LAMA3: variants seen among roughly 807,000 people sequenced by gnomAD.
LAMA3 encodes laminin subunit alpha 3.
A neutral mutation model predicts 402.0 loss-of-function variants in LAMA3; 281 were observed. That is an observed-to-expected ratio of 0.70 (90% confidence interval 0.63 to 0.77). LAMA3 has a LOEUF of 0.77. Among genes scored for constraint, LAMA3 ranks in the 30% least tolerant of loss-of-function variants. LAMA3 has a pLI of 0.00. For synonymous variants in LAMA3, 1,431 were observed against 1,558.4 expected (o/e 0.92, Z 1.93); for missense variants, 3,840 against 4,215.5 (o/e 0.91, Z 2.47).
intron 52 of LAMA3, among the ~76,000 whole-genome samples, chr18:23,906,778 C>T (rs114113504): frequency 3.0e-3 from 456 of 152,318 alleles, no homozygotes; most frequent in African/African-American, 0.01. Flanking sequence ...CTATTTCTCT[C>T]TACAAAATTT....
At chr18:23,714,186 C>T (rs1026139887) in intron 2 of LAMA3, 114 bp downstream of exon 2, 2 of 1,073,262 alleles carry the variant, frequency 1.9e-6, no homozygotes, top group South Asian at 1.5e-5. Context: ...TTAATCCCCT[C>T]ATCATTGTTA....
In LAMA3 at chr18:23,915,246, G is replaced by GA. The variant is rs1367607555; in HGVS notation, c.7645-43_7645-42insA. 1.4e-5 allele frequency: 23 copies of GA among 1,603,466 alleles called. No individual in the cohort carries two copies. In the African/African-American group the frequency reaches 2.9e-4, roughly 21 times the overall value. Reference sequence around the variant, plus strand: ...ATTAATTGATACTATTTTGATTATTGTCCTTTGTTCAATTGGTGGAAGATG... The same window carrying GA: ...ATTAATTGATACTATTTTGATTATTGATCCTTTGTTCAATTGGTGGAAGATG... On this transcript the variant is annotated intron_variant, in intron 58 of 74. Transcript: ENST00000313654.
rs2081834729 is a variant in LAMA3 at position 23,921,468 on chromosome 18, G to C, written c.8060G>C (p.Gly2687Ala). The part of the protein sequence containing the change: ...GRDHSIQIKI[G>A]KLQKRMWINV... ...TTATTTCAGATTCAGATCAAAATTG[G>C]AAAACTCCAAAAGCGTATGTGGATA... The change falls in exon 62 of 75, where the codon GGA (glycine) becomes GCA (alanine). Residue 2687 changes from glycine to alanine, a missense_variant. Gly to Ala is a moderately conservative substitution (Grantham distance 60). Coordinates refer to ENST00000313654, the MANE Select transcript of LAMA3 (RefSeq NM_198129.4). 1.2e-6 allele frequency: 2 copies of C among 1,612,338 alleles called. No homozygotes were observed. Among genetic ancestry groups the C allele is most frequent in the East Asian group, 4.5e-5 (2 of 44,840 alleles).
intron 37 of LAMA3, among the ~76,000 whole-genome samples, chr18:23,870,587 A>T (rs139527671): frequency 1.2e-4 from 19 of 152,372 alleles, no homozygotes; most frequent in East Asian, 9.6e-4. Flanking sequence ...CCAAATGTCC[A>T]TCAACAGATG....
chr18:23,727,726 T>C (rs572626034), intron 2 of LAMA3, among the ~76,000 whole-genome samples: 1 of 151,974 alleles, frequency 6.6e-6, no homozygotes, highest in African/African-American at 2.4e-5. Context: ...TTGTAACTTT[T>C]CTTTTCTTTC....
intron 12 of LAMA3, among the ~76,000 whole-genome samples, chr18:23,798,505 G>A (rs542319105): frequency 6.6e-6 from 1 of 152,286 alleles, no homozygotes; most frequent in East Asian, 1.9e-4. Flanking sequence ...GACGAGGAAT[G>A]GTGCCAGGGA....
At chr18:23,691,660 C>G (rs1273054500) in intron 1 of LAMA3, among the ~76,000 whole-genome samples, 1 of 152,240 alleles carries the variant, frequency 6.6e-6, no homozygotes, top group East Asian at 1.9e-4. Flanking sequence ...CAACCTCCAC[C>G]TCCCAGGCCC....
At chr18:23,868,381 T>A (rs1276885459) in intron 37 of LAMA3, among the ~76,000 whole-genome samples, 1 of 152,180 alleles carries the variant, frequency 6.6e-6, no homozygotes, top group African/African-American at 2.4e-5. Context: ...CTCTCCCATT[T>A]CACAATTAAT....
In LAMA3 at chr18:23,892,109, A is replaced by G. The variant is rs145597794; in HGVS notation, c.5410+1992A>G. Among the ~76,000 whole-genome samples the G allele has an allele frequency of 4.9e-4, 75 of 152,326 alleles. No individual in the cohort carries two copies. The East Asian group carries it at 0.012, about 24-fold the overall frequency. ...GAAGCAAGAGGAAGCTCTATTTTAA[A>G]TGATTCTAAGGAAGAAGTGTCTAAT... On this transcript the variant is annotated intron_variant, in intron 42 of 74. Transcript: ENST00000313654.
At chr18:23,886,602 A>G (rs935958837) in intron 41 of LAMA3, among the ~76,000 whole-genome samples, 3 of 152,116 alleles carry the variant, frequency 2.0e-5, no homozygotes, top group Non-Finnish European at 4.4e-5. Context: ...TGATCGCACT[A>G]CTGCATTCCA....
chr18:23,916,620 T>G lies in LAMA3; in HGVS notation c.7848T>G (p.His2616Gln), dbSNP rs761209890. Residue 2616 changes from histidine to glutamine, a missense_variant, in exon 60 of 75, where the codon CAT becomes CAG. His to Gln is a conservative substitution (Grantham distance 24). Around this residue, in one of 3 missense-constraint regions of LAMA3, gnomAD observed 840 missense variants for 981.9 expected, o/e 0.86. Transcript: ENST00000313654. ...TGYARVPTQP[H>Q]APIPTFGQTI... ...ATGCTCGAGTTCCAACTCAACCACA[T>G]GCTCCCATCCCAACCTTTGGACAGA... is the stretch of plus-strand genomic sequence containing the variant. The G allele has an allele frequency of 1.1e-5, 18 of 1,614,026 alleles. No individual in the cohort carries two copies. The highest frequency in any genetic ancestry group is 1.4e-5 in the Non-Finnish European group (17 of 1,179,998).
At chr18:23,820,486 ATGTT>A (rs1303916007) in intron 19 of LAMA3, among the ~76,000 whole-genome samples, 2 of 152,136 alleles carry the variant, frequency 1.3e-5, no homozygotes, top group African/African-American at 4.8e-5. Flanking sequence ...TAAATAATGA[ATGTT>A]TGTTAGTTAA....
chr18:23,804,361 C>T (rs545504099), intron 12 of LAMA3, among the ~76,000 whole-genome samples: 1 of 152,300 alleles, frequency 6.6e-6, no homozygotes, highest in East Asian at 1.9e-4. Flanking sequence ...TGCTGCAGAG[C>T]CTTCCCTTGT....
rs2081829654 is a variant in LAMA3, at chr18:23,921,335, A to G, written c.8044-117A>G. On this transcript the variant is annotated intron_variant, in intron 61 of 74. Coordinates refer to ENST00000313654, the MANE Select transcript of LAMA3 (RefSeq NM_198129.4). ...AAATGCTACTGCTCAGAGCCTTCCT[A>G]CTATGTATATAAATGAATCTGGGGG... 3.6e-6 allele frequency: 4 copies of G among 1,120,260 alleles called. No homozygotes were observed. The East Asian group carries it at 1.0e-4, about 28-fold the overall frequency. The allele number at this position is 1,120,260 out of a possible 1,614,324, so 69.4% of individuals were successfully genotyped here. A position where few individuals can be genotyped will look rare whatever the true frequency, so the allele number is the denominator to read the frequency against.
chr18:23,933,205 G>A (rs1409217245), intron 66 of LAMA3, among the ~76,000 whole-genome samples: 4 of 151,966 alleles, frequency 2.6e-5, no homozygotes, highest in East Asian at 3.9e-4. Flanking sequence ...CATATTTTAC[G>A]TTCGTATTTC....
At chr18:23,884,562 C>T (rs1489865168) in intron 40 of LAMA3, among the ~76,000 whole-genome samples, 5 of 152,300 alleles carry the variant, frequency 3.3e-5, no homozygotes, top group East Asian at 3.9e-4. Context: ...TAAATGCCTT[C>T]AGTCCTTGTT....
Position 23,909,170 on chromosome 18 carries a change from A to G in LAMA3, c.7033A>G (p.Lys2345Glu). 1 of 1,614,090 alleles carries G rather than the reference A, an allele frequency of 6.2e-7. No individual in the cohort carries two copies. Among genetic ancestry groups the G allele is most frequent in the South Asian group, 1.1e-5 (1 of 91,080 alleles). Residue 2345 changes from lysine to glutamate, a missense_variant, in exon 55 of 75, where the codon AAA becomes GAA. Lys to Glu is a moderately conservative substitution (Grantham distance 56, BLOSUM62 1). This residue lies in a region of LAMA3 where 891 missense variants were observed against 857.5 expected (regional missense o/e 1.04). Coordinates refer to ENST00000313654, the MANE Select transcript of LAMA3 (RefSeq NM_198129.4). ...ACCAACAGTGAATAAGTTAACCAAC[A>G]AACTACCTGATCTTTGGCGCAAGAT... ...ADNSVNKLTN[K>E]LPDLWRKIES...
chr18:23,820,000 A>G lies in LAMA3; in HGVS notation c.2304+3A>G, dbSNP rs752920780. On this transcript the variant is annotated splice_donor_region_variant and intron_variant, in intron 19 of 74. Coordinates refer to ENST00000313654, the MANE Select transcript of LAMA3 (RefSeq NM_198129.4). Reference sequence around the variant, plus strand: ...ATGCCCAAATGACCTCAGTACAGGTACGCAACCCGAAGAGAGCAGCTTCAT... The same window carrying G: ...ATGCCCAAATGACCTCAGTACAGGTGCGCAACCCGAAGAGAGCAGCTTCAT... 6.2e-7 allele frequency: 1 copy of G among 1,614,048 alleles called. No homozygotes were observed. Among genetic ancestry groups the G allele is most frequent in the Non-Finnish European group, 8.5e-7 (1 of 1,179,930 alleles).
rs555662982 is a variant in LAMA3, at chr18:23,717,764, T to G, written c.447+3692T>G. 8.5e-3 allele frequency among the ~76,000 whole-genome samples: 1,201 copies of G among 140,636 alleles called. 9 individuals are homozygous for G. Among genetic ancestry groups the G allele is most frequent in the South Asian group, 0.023 (99 of 4,236 alleles). 92.3% of individuals were successfully genotyped at this position (140,636 alleles called of 152,430 possible). A position where few individuals can be genotyped will look rare whatever the true frequency, so the allele number is the denominator to read the frequency against. On this transcript the variant is annotated intron_variant, in intron 2 of 74. Coordinates refer to ENST00000313654, the MANE Select transcript of LAMA3 (RefSeq NM_198129.4). Reference sequence around the variant, plus strand: ...TTTTTTTTTTTTAGTAGAGACAGGGTTTCACCATGTTGGCCAGGCTGGTCT... The same window carrying G: ...TTTTTTTTTTTTAGTAGAGACAGGGGTTCACCATGTTGGCCAGGCTGGTCT...
Sources: gnomAD v4.1 joint callset for allele counts (sites outside exome capture counted in the v4.1 genomes callset) on GRCh38, gnomAD v4.1.1 for gene constraint, gnomAD v4.1.1 regional missense constraint, MANE v1.5 for transcripts, NCBI Gene and HGNC (gene_info 2026-07-23, HGNC 2026-07-21) for gene names.